LGR5: variants seen among roughly 807,000 people sequenced by gnomAD.
LGR5 encodes leucine-rich repeat-containing G protein-coupled receptor 5.
LGR5 carries 54 observed loss-of-function variants against 76.7 expected under a neutral mutation model. That is an observed-to-expected ratio of 0.70 (90% CI 0.57 to 0.88). The LOEUF (loss-of-function observed/expected upper bound fraction) is 0.88, where lower values mean the gene tolerates loss of function less well. Ranked by LOEUF, LGR5 falls within the 40% of genes least tolerant of loss-of-function variation. The probability of loss-of-function intolerance (pLI) is 0.00; values close to 1 mark genes in which losing one functional copy is unlikely to be tolerated. For missense variants in LGR5, 1,078 were observed against 1,073.3 expected, an observed-to-expected ratio of 1.00 and a Z score of -0.06; for synonymous variants, 406 against 421.9, an observed-to-expected ratio of 0.96 and a Z score of 0.46.
chr12:71,531,644 G>T (rs1358963910), intron 3 of LGR5, among the ~76,000 whole-genome samples: 1 of 152,166 alleles, frequency 6.6e-6, no homozygotes, highest in Non-Finnish European at 1.5e-5. Flanking sequence ...AAGGTGGGTA[G>T]ATCATTTGAG....
Position 71,566,648 on chromosome 12 carries a change from TC to T in LGR5, c.947del (p.Ser316TyrfsTer3). 6.2e-7 allele frequency: 1 copy of T among 1,613,112 alleles called. No homozygotes were observed. The highest frequency in any genetic ancestry group is 8.5e-7 in the Non-Finnish European group (1 of 1,179,188). On this transcript the variant is annotated frameshift_variant, in exon 10 of 18. Coordinates refer to ENST00000266674, the MANE Select transcript of LGR5 (RefSeq NM_003667.4). LOFTEE classifies it high-confidence loss of function. The stretch of plus-strand genomic sequence containing the variant: ...TCTTTCTAGGACTCTGAATGGTGCC[TC>T]ACAAATAACTGAATTTCCTGATTTA... ...ELRTLTLNGA[S>X]QITEFPDLTG... is the part of the protein sequence containing the mutation.
chr12:71,486,205 C>G (rs1873819012), intron 1 of LGR5, among the ~76,000 whole-genome samples: 1 of 152,148 alleles, frequency 6.6e-6, no homozygotes, highest in African/African-American at 2.4e-5. Context: ...AAATAGCATA[C>G]TGTTACTCTC....
At chr12:71,524,651 G>T (rs1875896632) in intron 3 of LGR5, among the ~76,000 whole-genome samples, 174 bp downstream of exon 3, 1 of 151,916 alleles carries the variant, frequency 6.6e-6, no homozygotes, top group African/African-American at 2.4e-5. Flanking sequence ...GGCTAAATTT[G>T]TATGTGAAAA....
At chr12:71,564,994 T>C (rs896449057) in intron 8 of LGR5, among the ~76,000 whole-genome samples, 3 of 140,366 alleles carry the variant, frequency 2.1e-5, no homozygotes, top group African/African-American at 7.8e-5. Flanking sequence ...TATATATATA[T>C]ACGTACATGT....
In LGR5 at chr12:71,571,557, G is replaced by A. The variant is rs758093629; in HGVS notation, c.1114G>A (p.Val372Ile). The A allele has an allele frequency of 6.2e-7, 1 of 1,612,530 alleles. No homozygotes were observed. Among genetic ancestry groups the A allele is most frequent in the Admixed American group, 1.7e-5 (1 of 59,942 alleles). ...NLLEDLPSFS[V>I]CQKLQKIDLR... The stretch of plus-strand genomic sequence containing the variant: ...ATTAGAAGATTTACCCAGTTTTTCA[G>A]TCTGCCAAAAGCTTCAGAAAATGTA... The change falls in exon 12 of 18, where the codon GTC (valine) becomes ATC (isoleucine). Residue 372 changes from valine (V) to isoleucine (I), a missense_variant. Coordinates refer to ENST00000266674, the MANE Select transcript of LGR5 (RefSeq NM_003667.4).
chr12:71,494,037 G>A (rs537210637), intron 1 of LGR5, among the ~76,000 whole-genome samples: 19 of 148,094 alleles, frequency 1.3e-4, no homozygotes, highest in Non-Finnish European at 2.2e-4. Flanking sequence ...TCTGCCTCCC[G>A]GGTTCACGCC....
chr12:71,492,407 T>C (rs1281674354), intron 1 of LGR5, among the ~76,000 whole-genome samples: 2 of 152,180 alleles, frequency 1.3e-5, no homozygotes, highest in African/African-American at 4.8e-5. Context: ...ATAGGAATTC[T>C]CTGAATTTGA....
At chr12:71,578,622 G>A (rs1171355501) in intron 14 of LGR5, among the ~76,000 whole-genome samples, 182 bp from the exon 15 acceptor site, 2 of 152,144 alleles carry the variant, frequency 1.3e-5, no homozygotes. Flanking sequence ...CTACAATCCT[G>A]ATTGTGAATA....
chr12:71,582,730 T>C lies in LGR5; in HGVS notation c.1636+191T>C, dbSNP rs1220869788. On this transcript the variant is annotated intron_variant, in intron 17 of 17. Coordinates refer to ENST00000266674, the MANE Select transcript of LGR5 (RefSeq NM_003667.4). ...GTTGTTTTTCACTTGCCAATAGGATTGAGGTGGGAGGACTTTTGATTTAAC... is the reference window on the plus strand; with the variant it reads ...GTTGTTTTTCACTTGCCAATAGGATCGAGGTGGGAGGACTTTTGATTTAAC... The C allele has an allele frequency of 1.1e-5, 6 of 548,944 alleles. No individual in the cohort carries two copies. In the Admixed American group the frequency reaches 1.9e-4, roughly 17 times the overall value. The allele number at this position is 548,944 out of a possible 1,614,324, so 34.0% of individuals were successfully genotyped here.
chr12:71,551,473 C>T (rs1877480907), intron 4 of LGR5, among the ~76,000 whole-genome samples: 1 of 152,136 alleles, frequency 6.6e-6, no homozygotes, highest in Non-Finnish European at 1.5e-5. Context: ...AATACGTGGA[C>T]CACTAAAATA....
At chr12:71,505,057 T>C (rs1024009620) in intron 2 of LGR5, among the ~76,000 whole-genome samples, 1 of 152,178 alleles carries the variant, frequency 6.6e-6, no homozygotes, top group African/African-American at 2.4e-5. Flanking sequence ...AAAGCTATAA[T>C]CAAAACCAAA....
chr12:71,515,794 C>T (rs774802394), intron 2 of LGR5, among the ~76,000 whole-genome samples: 10 of 152,164 alleles, frequency 6.6e-5, no homozygotes, highest in Non-Finnish European at 1.3e-4. Context: ...ACTAAGTAGT[C>T]TGATGAAATG....
intron 1 of LGR5, among the ~76,000 whole-genome samples, chr12:71,484,596 G>C (rs1439122945): frequency 6.6e-6 from 1 of 152,108 alleles, no homozygotes; most frequent in Non-Finnish European, 1.5e-5. Context: ...GAGGTTACAG[G>C]CTTTTGATTC....
chr12:71,583,461 A>G, intron 17 of LGR5, 186 bp from the exon 18 acceptor site: 1 of 645,030 alleles, frequency 1.6e-6, no homozygotes, highest in Middle Eastern at 2.8e-4. Context: ...TCACCCAGCC[A>G]GTGCTGCAGA....
Position 71,561,804 on chromosome 12 carries a change from G to A in LGR5, c.809G>A (p.Arg270Lys), listed in dbSNP as rs1416806580. ...AGAGGATTTCATAGCAACAATATCA[G>A]GTCGATACCTGAGAAAGCATTTGTA... ...KELGFHSNNI[R>K]SIPEKAFVGN... Residue 270 changes from arginine (R) to lysine (K), a missense_variant, in exon 8 of 18, where the codon AGG becomes AAG. By Grantham distance (26) the Arg-to-Lys change is conservative (BLOSUM62 2). Coordinates refer to ENST00000266674, the MANE Select transcript of LGR5 (RefSeq NM_003667.4). The A allele has an allele frequency of 6.2e-7, 1 of 1,604,188 alleles. No homozygotes were observed. The highest frequency in any genetic ancestry group is 1.1e-5 in the South Asian group (1 of 90,052).
intron 1 of LGR5, among the ~76,000 whole-genome samples, chr12:71,465,794 G>A (rs909014722): frequency 6.6e-6 from 1 of 152,190 alleles, no homozygotes; most frequent in Non-Finnish European, 1.5e-5. Context: ...GAGAAAATAA[G>A]CAGTGTCTGG....
intron 3 of LGR5, among the ~76,000 whole-genome samples, chr12:71,531,894 A>G (rs373594566): frequency 2.1e-4 from 32 of 152,296 alleles, no homozygotes; most frequent in Middle Eastern, 3.4e-3. Flanking sequence ...TATCATCACT[A>G]AAGTTCATTT....
chr12:71,553,422 A>G, intron 5 of LGR5, 134 bp downstream of exon 5: 1 of 683,948 alleles, frequency 1.5e-6, no homozygotes, highest in Non-Finnish European at 2.6e-6. Context: ...CCCTCCCCAA[A>G]ATGACTTATA....
intron 8 of LGR5, among the ~76,000 whole-genome samples, chr12:71,563,941 G>A (rs1280612): frequency 0.54 from 14,416 of 26,458 alleles, 5,674 homozygotes; most frequent in East Asian, 0.94. Context: ...CACACACACC[G>A]TGTATATATG....
Sources: gnomAD v4.1 joint callset for allele counts (sites outside exome capture counted in the v4.1 genomes callset) on GRCh38, gnomAD v4.1.1 for gene constraint, MANE v1.5 for transcripts, NCBI Gene and HGNC (gene_info 2026-07-23, HGNC 2026-07-21) for gene names.